TMEM87B: variants seen among roughly 807,000 people sequenced by gnomAD.
TMEM87B encodes the protein transmembrane protein 87B.
In TMEM87B, 83 loss-of-function variants were observed where a neutral mutation model predicts 80.3. That is an observed-to-expected ratio of 1.03 (90% CI 0.87 to 1.24). The LOEUF is 1.24. TMEM87B is among the 50% of genes most tolerant of loss of function. The pLI is 0.00. For synonymous variants in TMEM87B, 219 were observed against 230.5 expected, an observed-to-expected ratio of 0.95 and a Z score of 0.45; for missense variants, 625 against 674.4, an observed-to-expected ratio of 0.93 and a Z score of 0.81.
At position 112,117,925 on chromosome 2, in the gene TMEM87B, G is replaced by A. The variant is rs1277449056; in HGVS notation, c.*1782G>A. 2 of 152,168 alleles carry A rather than the reference G, an allele frequency of 1.3e-5. No homozygotes were observed. The highest frequency in any genetic ancestry group is 1.3e-4 in the Admixed American group (2 of 15,276). The allele number at this position is 152,168 out of a possible 1,614,324, so 9.4% of individuals were successfully genotyped here. ...AGGAGCTGCAAATCTGGTAGAGTGG[G>A]AGTGTGGAGTTAATGGTGAGTATGT... On this transcript the variant is annotated 3_prime_UTR_variant, in exon 19 of 19. Transcript: ENST00000283206.
At chr2:112,059,870 T>G in intron 1 of TMEM87B, 107 bp from the exon 2 acceptor site, 1 of 1,359,660 alleles carries the variant, frequency 7.4e-7, no homozygotes, top group Non-Finnish European at 9.8e-7. Context: ...AAAAATACTC[T>G]TGTCAGAGAG....
intron 11 of TMEM87B, among the ~76,000 whole-genome samples, chr2:112,096,168 A>AT (rs1679463037): frequency 6.6e-6 from 1 of 152,220 alleles, no homozygotes; most frequent in South Asian, 2.1e-4. Context: ...TGCATCACGA[A>AT]TAATTAGATG....
chr2:112,084,589 A>AGATCTATCTTCGAG lies in TMEM87B; in HGVS notation c.839-1414_839-1401dup, dbSNP rs368057626. The stretch of plus-strand genomic sequence containing the variant: ...GGCTTCTTGCTCTGCCTGTAGTTCT[A>AGATCTATCTTCGAG]GATCTATCTTCGAGGCATTTGACAA... On this transcript the variant is annotated intron_variant, in intron 8 of 18. Coordinates refer to ENST00000283206, the MANE Select transcript of TMEM87B (RefSeq NM_032824.3). 2.4e-3 allele frequency among the ~76,000 whole-genome samples: 370 copies of AGATCTATCTTCGAG among 152,350 alleles called. 8 individuals carry two copies. The East Asian group carries it at 0.051, about 21-fold the overall frequency.
At chr2:112,104,240 A>G (rs1679706116) in intron 15 of TMEM87B, among the ~76,000 whole-genome samples, 1 of 152,236 alleles carries the variant, frequency 6.6e-6, no homozygotes, top group South Asian at 2.1e-4. Context: ...ATCAAAATTT[A>G]AAATCTATGC....
At chr2:112,097,371 G>A in intron 13 of TMEM87B, 80 bp downstream of exon 13, 1 of 1,122,394 alleles carries the variant, frequency 8.9e-7, no homozygotes, top group Non-Finnish European at 1.3e-6. Flanking sequence ...GTTTATGCTT[G>A]CAAATAGAGG....
chr2:112,096,121 A>G (rs1465435730), intron 11 of TMEM87B, among the ~76,000 whole-genome samples: 1 of 151,926 alleles, frequency 6.6e-6, no homozygotes, highest in Non-Finnish European at 1.5e-5. Context: ...TCTACCTATG[A>G]CAAGGCCGGG....
At chr2:112,062,272 T>A (rs1201814123) in intron 2 of TMEM87B, among the ~76,000 whole-genome samples, 1 of 152,222 alleles carries the variant, frequency 6.6e-6, no homozygotes, top group African/African-American at 2.4e-5. Context: ...ATATCTGGCT[T>A]TTTTAAGGCA....
At chr2:112,112,683 C>T (rs980546393) in intron 17 of TMEM87B, among the ~76,000 whole-genome samples, 2 of 152,216 alleles carry the variant, frequency 1.3e-5, no homozygotes, top group Non-Finnish European at 2.9e-5. Context: ...CCGCAATTTA[C>T]CCATTGGGGT....
intron 1 of TMEM87B, among the ~76,000 whole-genome samples, chr2:112,058,723 G>C (rs1471746990): frequency 6.6e-6 from 1 of 152,204 alleles, no homozygotes; most frequent in African/African-American, 2.4e-5. Flanking sequence ...ATCAGATCTG[G>C]AGGTAGAAGT....
At chr2:112,085,972 CAA>C (rs751072999) in intron 8 of TMEM87B, 31 bp from the exon 9 acceptor site, 18 of 1,589,234 alleles carry the variant, frequency 1.1e-5, no homozygotes, top group East Asian at 9.0e-5. Context: ...CAGGTGTAGA[CAA>C]AGTGAATTAT....
At chr2:112,077,315 G>A in intron 6 of TMEM87B, 33 bp downstream of exon 6, 3 of 1,204,096 alleles carry the variant, frequency 2.5e-6, no homozygotes, top group Non-Finnish European at 3.5e-6. Flanking sequence ...TTTACTGTCT[G>A]CATTTTCTGT....
chr2:112,065,022 G>A lies in TMEM87B; in HGVS notation c.318+769G>A, dbSNP rs118181478. On this transcript the variant is annotated intron_variant, in intron 3 of 18. Transcript: ENST00000283206. ...CACCCAGGCTGGAGTGCAGTGGTGCGATCATGGCTCACTCCAGCCCTGAAC... is the reference window on the plus strand; with the variant it reads ...CACCCAGGCTGGAGTGCAGTGGTGCAATCATGGCTCACTCCAGCCCTGAAC... Among the ~76,000 whole-genome samples the A allele has an allele frequency of 8.0e-3, 1,215 of 152,078 alleles. 42 individuals carry two copies. The highest frequency in any genetic ancestry group is 0.056 in the Admixed American group (860 of 15,274).
chr2:112,111,000 C>T (rs2104508418), intron 17 of TMEM87B, among the ~76,000 whole-genome samples: 1 of 152,062 alleles, frequency 6.6e-6, no homozygotes, highest in East Asian at 1.9e-4. Flanking sequence ...TCCTCCCACC[C>T]CTCTACTATT....
Position 112,096,998 on chromosome 2 carries a change from T to A in TMEM87B, c.1105-46T>A, listed in dbSNP as rs763312376. ...AGTAGAAGATTCTGTTTTTTTTTTT[T>A]AACCTCTTATTATTACTTGGAATGT... On this transcript the variant is annotated intron_variant, in intron 11 of 18. Coordinates refer to ENST00000283206, the MANE Select transcript of TMEM87B (RefSeq NM_032824.3). 5.5e-6 allele frequency: 7 copies of A among 1,269,552 alleles called. No homozygotes were observed. The South Asian group carries it at 7.8e-5, about 14-fold the overall frequency. The allele number at this position is 1,269,552 out of a possible 1,614,324, so 78.6% of individuals were successfully genotyped here.
intron 14 of TMEM87B, among the ~76,000 whole-genome samples, chr2:112,098,979 G>C (rs1449990549): frequency 6.6e-6 from 1 of 152,204 alleles, no homozygotes; most frequent in African/African-American, 2.4e-5. Flanking sequence ...CTGGGAAAGA[G>C]TGTCCATTTT....
intron 17 of TMEM87B, among the ~76,000 whole-genome samples, chr2:112,112,508 A>G (rs2104509612): frequency 6.6e-6 from 1 of 152,364 alleles, no homozygotes; most frequent in East Asian, 1.9e-4. Context: ...AAGTGCTCTA[A>G]AAAGCCCATT....
At position 112,055,306 on chromosome 2, in the gene TMEM87B, A is replaced by C. The variant is rs1678003394; in HGVS notation, c.-286A>C. The C allele has an allele frequency of 2.2e-6, 1 of 464,306 alleles. No individual in the cohort carries two copies. The highest frequency in any genetic ancestry group is 3.8e-6 in the Non-Finnish European group (1 of 263,634). The allele number at this position is 464,306 out of a possible 1,614,324, so 28.8% of individuals were successfully genotyped here. ...ACGCTAGGCCCTGAGCCCAGCCTCCACGTCTCGCCGCCAACTCCACATCCT... is the reference window on the plus strand; with the variant it reads ...ACGCTAGGCCCTGAGCCCAGCCTCCCCGTCTCGCCGCCAACTCCACATCCT... On this transcript the variant is annotated 5_prime_UTR_variant, in exon 1 of 19. Transcript: ENST00000283206.
At chr2:112,079,714 T>C (rs2104473794) in intron 6 of TMEM87B, among the ~76,000 whole-genome samples, 1 of 152,312 alleles carries the variant, frequency 6.6e-6, no homozygotes, top group African/African-American at 2.4e-5. Flanking sequence ...CTGTACTAAT[T>C]GACATTTTCA....
chr2:112,057,199 C>T (rs1244925575), intron 1 of TMEM87B, among the ~76,000 whole-genome samples: 2 of 152,186 alleles, frequency 1.3e-5, no homozygotes, highest in Non-Finnish European at 2.9e-5. Context: ...TTCCACATTT[C>T]AGGTTGTCAG....
Sources: allele counts gnomAD v4.1 joint callset (sites outside exome capture counted in the v4.1 genomes callset), GRCh38; gene constraint gnomAD v4.1.1; transcripts MANE v1.5; gene names NCBI Gene and HGNC (gene_info 2026-07-23, HGNC 2026-07-21).